The following ZMIZ1 variants were observed in gnomAD, a reference collection of about 807,000 sequenced individuals.
ZMIZ1 encodes zinc finger MIZ domain-containing protein 1.
ZMIZ1 carries 17 observed loss-of-function variants against 113.9 expected under a neutral mutation model. That is an observed-to-expected ratio of 0.15 (90% confidence interval 0.10 to 0.22). ZMIZ1 has a LOEUF of 0.22. Ranked by LOEUF, ZMIZ1 falls within the 10% of genes least tolerant of loss-of-function variation. The pLI, the probability that ZMIZ1 is intolerant of heterozygous loss-of-function variation, is 1.00. For synonymous variants in ZMIZ1, 607 were observed against 603.1 expected (o/e 1.01, Z -0.09); for missense variants, 1,059 against 1,477.8 (o/e 0.72, Z 4.65).
chr10:79,073,154 TG>T (rs1564634531), intron 1 of ZMIZ1, among the ~76,000 whole-genome samples: 1 of 152,178 alleles, frequency 6.6e-6, no homozygotes, highest in Non-Finnish European at 1.5e-5. Context: ...CTATCTGTGT[TG>T]GGCCAGTAAC....
chr10:79,180,988 G>A (rs2132568620), intron 4 of ZMIZ1, among the ~76,000 whole-genome samples: 1 of 152,362 alleles, frequency 6.6e-6, no homozygotes, highest in Non-Finnish European at 1.5e-5. Context: ...TTCTGATGGG[G>A]AAACAGAGGC....
At chr10:79,293,236 T>C (rs1431358732) in intron 11 of ZMIZ1, 145 bp from the exon 12 acceptor site, 1 of 939,424 alleles carries the variant, frequency 1.1e-6, no homozygotes, top group Non-Finnish European at 1.5e-6. Context: ...TGGGGCCTGG[T>C]TGGTCACCAG....
Position 79,291,172 on chromosome 10 carries a change from G to A in ZMIZ1, c.754G>A (p.Ala252Thr). The change falls in exon 10 of 25, where the codon GCC becomes ACC. Residue 252 changes from alanine (A) to threonine (T), a missense_variant. Around this residue, in one of 6 missense-constraint regions of ZMIZ1, gnomAD observed 272 missense variants for 350.4 expected, o/e 0.78. Transcript: ENST00000334512. ...PNYPGSGGFGASYPGGPNAPA... is the reference protein window; with the variant it reads ...PNYPGSGGFGTSYPGGPNAPA... ...CTACCCCGGCAGCGGGGGCTTTGGG[G>A]CCAGGTGAGCAGGGCTGACCTGTGG... 6.2e-7 allele frequency: 1 copy of A among 1,609,420 alleles called. No individual in the cohort carries two copies. The highest frequency in any genetic ancestry group is 1.1e-5 in the South Asian group (1 of 90,822).
chr10:79,194,993 G>A (rs1384549623), intron 4 of ZMIZ1, among the ~76,000 whole-genome samples: 1 of 152,206 alleles, frequency 6.6e-6, no homozygotes, highest in African/African-American at 2.4e-5. Context: ...CAAGCGTAAG[G>A]TGCAAGAAGA....
chr10:79,188,591 A>G (rs796987643), intron 4 of ZMIZ1, among the ~76,000 whole-genome samples: 18 of 152,128 alleles, frequency 1.2e-4, no homozygotes, highest in African/African-American at 3.9e-4. Flanking sequence ...GCCAGAGCCC[A>G]GCTTGGAGCT....
intron 7 of ZMIZ1, among the ~76,000 whole-genome samples, chr10:79,270,182 C>G (rs2073422347): frequency 6.6e-6 from 1 of 152,252 alleles, no homozygotes; most frequent in Admixed American, 6.5e-5. Context: ...CACCCGACAT[C>G]TGGTTTCATT....
At chr10:79,224,230 C>G (rs1481550574) in intron 7 of ZMIZ1, among the ~76,000 whole-genome samples, 2 of 152,200 alleles carry the variant, frequency 1.3e-5, no homozygotes, top group Non-Finnish European at 2.9e-5. Context: ...TGTCAACTTA[C>G]AAGTAATGGC....
At chr10:79,115,897 C>T (rs962335008) in intron 1 of ZMIZ1, among the ~76,000 whole-genome samples, 17 of 152,342 alleles carry the variant, frequency 1.1e-4, no homozygotes, top group South Asian at 4.1e-4. Flanking sequence ...TTGGTGGAGC[C>T]GATGCCCACT....
rs575869447 is a variant in ZMIZ1, at chr10:79,212,138, GTCT to G, written c.174+3697_174+3699del. On this transcript the variant is annotated intron_variant, in intron 6 of 24. Coordinates refer to ENST00000334512, the MANE Select transcript of ZMIZ1 (RefSeq NM_020338.4). ...CCACGTGACCTTAAGCAAGTCACCC[GTCT>G]TCTTCTTTTTTTTTTTAATTTTTTT... Among the ~76,000 whole-genome samples, 209 of 151,928 alleles carry G rather than the reference GTCT, an allele frequency of 1.4e-3. 5 individuals are homozygous for G. The highest frequency in any genetic ancestry group is 4.5e-3 in the African/African-American group (188 of 41,456).
At chr10:79,166,422 G>A (rs1846350486) in intron 4 of ZMIZ1, among the ~76,000 whole-genome samples, 1 of 152,240 alleles carries the variant, frequency 6.6e-6, no homozygotes, top group Admixed American at 6.5e-5. Flanking sequence ...GCTGGAGGCT[G>A]CACTCCGTGT....
intron 1 of ZMIZ1, among the ~76,000 whole-genome samples, chr10:79,082,971 A>G (rs963872967): frequency 2.0e-5 from 3 of 152,110 alleles, no homozygotes; most frequent in Non-Finnish European, 4.4e-5. Context: ...TACCCAAGGA[A>G]GGTGGATTCA....
chr10:79,289,714 T>A (rs1322054857), intron 8 of ZMIZ1, 61 bp from the exon 9 acceptor site: 2 of 1,479,172 alleles, frequency 1.4e-6, no homozygotes, highest in Non-Finnish European at 1.9e-6. Flanking sequence ...GTGATGGGCA[T>A]GGCCTGTCTT....
intron 1 of ZMIZ1, among the ~76,000 whole-genome samples, chr10:79,073,173 T>G (rs965959411): frequency 6.6e-6 from 1 of 152,152 alleles, no homozygotes; most frequent in Non-Finnish European, 1.5e-5. Context: ...AACTCTCCTG[T>G]GCTGGACCTT....
intron 3 of ZMIZ1, among the ~76,000 whole-genome samples, chr10:79,141,096 A>G (rs1310439088): frequency 6.6e-6 from 1 of 152,212 alleles, no homozygotes; most frequent in Non-Finnish European, 1.5e-5. Flanking sequence ...TCCATAAGGC[A>G]GTGCTCAAAG....
chr10:79,222,791 C>T (rs1849032998), intron 7 of ZMIZ1, among the ~76,000 whole-genome samples: 1 of 152,118 alleles, frequency 6.6e-6, no homozygotes, highest in African/African-American at 2.4e-5. Context: ...GTGCAGCAGC[C>T]CCAGGGCTCA....
intron 3 of ZMIZ1, among the ~76,000 whole-genome samples, chr10:79,151,100 C>T (rs1589342038): frequency 2.0e-5 from 3 of 152,040 alleles, no homozygotes; most frequent in Admixed American, 2.0e-4. Context: ...AAGACAGATC[C>T]GGGGGCCACC....
In ZMIZ1 at chr10:79,094,436, T is replaced by G. The variant is rs1263014204; in HGVS notation, c.-336-24479T>G. ...GAGCTCAGCGGCCTGGGTTCAAACC[T>G]TCTCGCACACTGCCACTGTCGGTTA... On this transcript the variant is annotated intron_variant, in intron 1 of 24. Coordinates refer to ENST00000334512, the MANE Select transcript of ZMIZ1 (RefSeq NM_020338.4). Among the ~76,000 whole-genome samples, 3 of 152,240 alleles carry G rather than the reference T, an allele frequency of 2.0e-5. No individual in the cohort carries two copies. In the East Asian group the frequency reaches 5.8e-4, roughly 29 times the overall value.
At chr10:79,126,877 G>A (rs1380557134) in intron 2 of ZMIZ1, among the ~76,000 whole-genome samples, 1 of 152,192 alleles carries the variant, frequency 6.6e-6, no homozygotes, top group Non-Finnish European at 1.5e-5. Context: ...GGGGGCAGTT[G>A]GCCCAGAAGG....
intron 7 of ZMIZ1, among the ~76,000 whole-genome samples, chr10:79,268,075 C>G (rs541089416): frequency 1.2e-4 from 19 of 152,352 alleles, no homozygotes; most frequent in African/African-American, 4.3e-4. Flanking sequence ...GGTAGGGGAG[C>G]ACGGCCTGGG....
Sources: gnomAD v4.1 joint callset for allele counts (sites outside exome capture counted in the v4.1 genomes callset) on GRCh38, gnomAD v4.1.1 for gene constraint, gnomAD v4.1.1 regional missense constraint, MANE v1.5 for transcripts, NCBI Gene and HGNC (gene_info 2026-07-23, HGNC 2026-07-21) for gene names.